FAM111B: variants seen among roughly 807,000 people sequenced by gnomAD.
FAM111B encodes the protein FAM111 trypsin like peptidase B, also known as serine protease FAM111B.
In FAM111B, 1 loss-of-function variant was observed where a neutral mutation model predicts 2.8. That is an observed-to-expected ratio of 0.36 (90% CI 0.13 to 1.70). The LOEUF is 1.70. Among genes scored for constraint, FAM111B ranks in the 40% most tolerant of loss-of-function variants. The pLI is 0.35. For missense variants in FAM111B, 882 were observed against 878.9 expected (o/e 1.00, Z -0.04); for synonymous variants, 297 against 295.6 (o/e 1.00, Z -0.05).
In FAM111B at chr11:59,126,889, G is replaced by GAA; in HGVS notation, c.*587_*588insAA. The GAA allele has an allele frequency of 6.3e-6, 1 of 159,448 alleles. No homozygotes were observed. Among genetic ancestry groups the GAA allele is most frequent in the African/African-American group, 2.4e-5 (1 of 41,526 alleles). The allele number at this position is 159,448 out of a possible 1,614,324, so 9.9% of individuals were successfully genotyped here. A position where few individuals can be genotyped will look rare whatever the true frequency, so the allele number is the denominator to read the frequency against. On this transcript the variant is annotated 3_prime_UTR_variant, in exon 4 of 4. Transcript: ENST00000343597. The stretch of plus-strand genomic sequence containing the variant: ...TTCAAGCCAGCAATCTCATGACTGG[G>GAA]TATATGTCCAAAGGAATATAAATTG...
At chr11:59,118,417 C>T (rs1328160587) in intron 3 of FAM111B, among the ~76,000 whole-genome samples, 3 of 152,178 alleles carry the variant, frequency 2.0e-5, no homozygotes, top group African/African-American at 7.2e-5. Flanking sequence ...GCAGCCAGGT[C>T]TTGTTTAATT....
chr11:59,124,611 A>G lies in FAM111B; in HGVS notation c.514A>G (p.Ile172Val), dbSNP rs372384666. ...AAAGAGTAGCAAAGAAGATGGACAC[A>G]TATTACGCCAATGTGAAAATCCAAA... is the stretch of plus-strand genomic sequence containing the variant. ...QRKSSKEDGH[I>V]LRQCENPNME... The change falls in exon 4 of 4, where the codon ATA becomes GTA. Residue 172 changes from isoleucine (I) to valine (V), a missense_variant. Coordinates refer to ENST00000343597, the MANE Select transcript of FAM111B (RefSeq NM_198947.4). 1.9e-6 allele frequency: 3 copies of G among 1,613,822 alleles called. No individual in the cohort carries two copies. The African/African-American group carries it at 4.0e-5, about 22-fold the overall frequency.
At chr11:59,118,658 C>T (rs990086822) in intron 3 of FAM111B, among the ~76,000 whole-genome samples, 1 of 152,164 alleles carries the variant, frequency 6.6e-6, no homozygotes, top group Non-Finnish European at 1.5e-5. Context: ...TTCATTCAAT[C>T]CTACACGATT....
chr11:59,118,121 A>G (rs1283242857), intron 3 of FAM111B, among the ~76,000 whole-genome samples: 1 of 152,236 alleles, frequency 6.6e-6, no homozygotes, highest in Non-Finnish European at 1.5e-5. Flanking sequence ...TCCATGTTTC[A>G]TCTGCAATGC....
At chr11:59,122,149 AT>A (rs766028253) in intron 3 of FAM111B, among the ~76,000 whole-genome samples, 2 of 152,354 alleles carry the variant, frequency 1.3e-5, no homozygotes, top group Non-Finnish European at 2.9e-5. Flanking sequence ...CTCAAAAAAA[AT>A]AAATAAATAA....
chr11:59,119,677 A>G (rs1161337681), intron 3 of FAM111B, among the ~76,000 whole-genome samples: 1 of 152,218 alleles, frequency 6.6e-6, no homozygotes, highest in African/African-American at 2.4e-5. Flanking sequence ...TCTTAGCCAG[A>G]TTAAGAGCAT....
rs538208236 is a variant in FAM111B, at chr11:59,118,680, T to C, written c.82-5499T>C. On this transcript the variant is annotated intron_variant, in intron 3 of 3. Coordinates refer to ENST00000343597, the MANE Select transcript of FAM111B (RefSeq NM_198947.4). The stretch of plus-strand genomic sequence containing the variant: ...AATCCTACACGATTAAGTATGATGT[T>C]ACCTGTAAGTTTTTCATAACTGTTC... 1.1e-4 allele frequency among the ~76,000 whole-genome samples: 16 copies of C among 152,334 alleles called. No individual in the cohort carries two copies. In the South Asian group the frequency reaches 3.1e-3, roughly 30 times the overall value.
At chr11:59,111,706 T>C (rs1048638450) in intron 3 of FAM111B, among the ~76,000 whole-genome samples, 8 of 152,284 alleles carry the variant, frequency 5.3e-5, no homozygotes, top group African/African-American at 1.9e-4. Flanking sequence ...ATGTAGAACA[T>C]TTCCGTCACT....
intron 3 of FAM111B, among the ~76,000 whole-genome samples, chr11:59,111,551 T>G (rs1381643681): frequency 5.9e-5 from 9 of 152,208 alleles, no homozygotes; most frequent in Admixed American, 5.9e-4. Context: ...CAATTGCCAC[T>G]AATCACATGT....
chr11:59,115,176 TTCTC>T (rs1439796502), intron 3 of FAM111B, among the ~76,000 whole-genome samples: 1 of 152,116 alleles, frequency 6.6e-6, no homozygotes, highest in Non-Finnish European at 1.5e-5. Flanking sequence ...GGGGGCCACT[TTCTC>T]TCTTTCTTTA....
intron 3 of FAM111B, among the ~76,000 whole-genome samples, chr11:59,118,844 G>C (rs1356878521): frequency 6.6e-6 from 1 of 152,068 alleles, no homozygotes; most frequent in Non-Finnish European, 1.5e-5. Flanking sequence ...ATTCTAATTG[G>C]CTTATTACAG....
At position 59,126,308 on chromosome 11, in the gene FAM111B, A is replaced by T. The variant is rs760967042; in HGVS notation, c.*6A>T. On this transcript the variant is annotated 3_prime_UTR_variant, in exon 4 of 4. Transcript: ENST00000343597. ...TTGAACCCATGGAATGTTAGAAAAG[A>T]GATGCTGTCTTCAAGAAAATATGCC... 1 of 1,501,670 alleles carries T rather than the reference A, an allele frequency of 6.7e-7. No homozygotes were observed. The highest frequency in any genetic ancestry group is 8.9e-7 in the Non-Finnish European group (1 of 1,127,846). 93.0% of individuals were successfully genotyped at this position (1,501,670 alleles called of 1,614,324 possible). A position where few individuals can be genotyped will look rare whatever the true frequency, so the allele number is the denominator to read the frequency against.
At chr11:59,111,284 G>T (rs1331694417) in intron 3 of FAM111B, among the ~76,000 whole-genome samples, 1 of 152,160 alleles carries the variant, frequency 6.6e-6, no homozygotes, top group East Asian at 1.9e-4. Flanking sequence ...ATATTCTTAA[G>T]CTGTCATGAA....
chr11:59,116,499 A>G (rs1176998026), intron 3 of FAM111B, among the ~76,000 whole-genome samples: 1 of 152,196 alleles, frequency 6.6e-6, no homozygotes, highest in Non-Finnish European at 1.5e-5. Flanking sequence ...AGGGACATTC[A>G]AAAGAGCCAG....
In FAM111B at chr11:59,109,793, A is replaced by G. The variant is rs140153175; in HGVS notation, c.81+87A>G. 2,939 of 815,342 alleles carry G rather than the reference A, an allele frequency of 3.6e-3. 20 individuals carry two copies. Among genetic ancestry groups the G allele is most frequent in the Middle Eastern group, 0.012 (31 of 2,680 alleles). The allele number at this position is 815,342 out of a possible 1,614,324, so 50.5% of individuals were successfully genotyped here. On this transcript the variant is annotated intron_variant, in intron 3 of 3. Transcript: ENST00000343597. ...GATCTTGGAGATAAGTTCTTAAACAATGGTCGTTATAAGCCCTTCTCTTAG... is the reference window on the plus strand; with the variant it reads ...GATCTTGGAGATAAGTTCTTAAACAGTGGTCGTTATAAGCCCTTCTCTTAG...
At chr11:59,115,925 G>A (rs571164979) in intron 3 of FAM111B, among the ~76,000 whole-genome samples, 1 of 152,354 alleles carries the variant, frequency 6.6e-6, no homozygotes, top group African/African-American at 2.4e-5. Context: ...AGTTCTGGTA[G>A]TCAGCGGGTG....
chr11:59,111,060 G>A (rs761663189), intron 3 of FAM111B, among the ~76,000 whole-genome samples: 2 of 152,154 alleles, frequency 1.3e-5, no homozygotes, highest in Admixed American at 6.5e-5. Context: ...ACTTGTTTGT[G>A]TGTTCAGTCT....
chr11:59,125,533 T>C lies in FAM111B; in HGVS notation c.1436T>C (p.Val479Ala). The C allele has an allele frequency of 6.2e-7, 1 of 1,614,018 alleles. No individual in the cohort carries two copies. ...NGNTGNATCF[V>A]FNGGYIFTCR... ...AACACAGGTAATGCTACTTGCTTTG[T>C]CTTCAATGGTGGTTATATTTTCACC... The change falls in exon 4 of 4, where the codon GTC (valine) becomes GCC (alanine). Residue 479 changes from valine to alanine, a missense_variant. Physicochemically the swap from Val to Ala is moderately conservative, Grantham distance 64. Transcript: ENST00000343597.
chr11:59,120,315 T>C (rs1327282527), intron 3 of FAM111B, among the ~76,000 whole-genome samples: 1 of 152,202 alleles, frequency 6.6e-6, no homozygotes, highest in African/African-American at 2.4e-5. Context: ...TATCTTTGTA[T>C]TAGTTTGTGC....
Sources: allele counts gnomAD v4.1 joint callset (sites outside exome capture counted in the v4.1 genomes callset), GRCh38; gene constraint gnomAD v4.1.1; transcripts MANE v1.5; gene names NCBI Gene and HGNC (gene_info 2026-07-23, HGNC 2026-07-21).